The following SORCS1 variants were observed in gnomAD, a reference collection of about 807,000 sequenced individuals.
SORCS1 encodes VPS10 domain-containing receptor SorCS1.
SORCS1 carries 60 observed loss-of-function variants against 146.1 expected under a neutral mutation model. The ratio of observed to expected loss-of-function variants is 0.41; its 90% CI spans 0.33 to 0.51. SORCS1 has a LOEUF of 0.51. Among genes scored for constraint, SORCS1 ranks in the 20% least tolerant of loss-of-function variants. The pLI is 0.21. For synonymous variants in SORCS1, 637 were observed against 584.0 expected (o/e 1.09, Z -1.31); for missense variants, 1,352 against 1,487.6 (o/e 0.91, Z 1.50).
intron 1 of SORCS1, among the ~76,000 whole-genome samples, chr10:106,994,063 CAAAAAA>C (rs67408221): frequency 0.35 from 28,387 of 81,292 alleles, 3,675 homozygotes; most frequent in Middle Eastern, 0.51. Flanking sequence ...GACCCCATCT[CAAAAAA>C]AAAAAAAAAA....
At chr10:106,738,973 C>A (rs1427009457) in intron 5 of SORCS1, among the ~76,000 whole-genome samples, 2 of 152,148 alleles carry the variant, frequency 1.3e-5, no homozygotes, top group African/African-American at 4.8e-5. Flanking sequence ...CAGGCGTGAG[C>A]CGCTGTGGCC....
chr10:106,956,667 C>A, intron 1 of SORCS1, 87 bp from the exon 2 acceptor site: 1 of 1,044,378 alleles, frequency 9.6e-7, no homozygotes. Context: ...CTTAGGATTC[C>A]TTTAATAGTC....
intron 2 of SORCS1, among the ~76,000 whole-genome samples, chr10:106,832,179 C>T (rs111459381): frequency 2.9e-5 from 4 of 136,068 alleles, no homozygotes; most frequent in East Asian, 4.4e-4. Context: ...ACTTTGTTTT[C>T]GCTTTTTTTT....
chr10:106,949,383 G>C (rs1010244133), intron 2 of SORCS1, among the ~76,000 whole-genome samples: 11 of 152,152 alleles, frequency 7.2e-5, no homozygotes, highest in Admixed American at 5.9e-4. Flanking sequence ...TGGCGTGGAG[G>C]AGAAGGGAGG....
intron 2 of SORCS1, among the ~76,000 whole-genome samples, chr10:106,952,079 C>G (rs1348847001): frequency 6.6e-6 from 1 of 152,128 alleles, no homozygotes; most frequent in Non-Finnish European, 1.5e-5. Flanking sequence ...ATCTCCTTAC[C>G]CTTCCCTAGT....
intron 2 of SORCS1, among the ~76,000 whole-genome samples, chr10:106,911,807 A>G (rs113448384): frequency 5.3e-5 from 8 of 152,214 alleles, no homozygotes; most frequent in African/African-American, 1.9e-4. Flanking sequence ...CTCAGGCATC[A>G]GTTTATATTA....
chr10:106,986,002 T>G (rs1956454556), intron 1 of SORCS1, among the ~76,000 whole-genome samples: 1 of 152,016 alleles, frequency 6.6e-6, no homozygotes, highest in South Asian at 2.1e-4. Flanking sequence ...CACATGCTTG[T>G]GTTCTAGTGG....
chr10:107,054,288 G>A (rs1227254343), intron 1 of SORCS1, among the ~76,000 whole-genome samples: 1 of 152,112 alleles, frequency 6.6e-6, no homozygotes, highest in African/African-American at 2.4e-5. Context: ...GTGATAGGTT[G>A]GTGAGGCAGA....
intron 4 of SORCS1, among the ~76,000 whole-genome samples, chr10:106,770,822 C>T (rs1163270531): frequency 6.6e-6 from 1 of 152,252 alleles, no homozygotes; most frequent in East Asian, 1.9e-4. Context: ...TGCTCTCCAA[C>T]TTCCCACAGC....
intron 2 of SORCS1, among the ~76,000 whole-genome samples, chr10:106,880,360 A>G (rs1293038456): frequency 1.3e-5 from 2 of 152,256 alleles, no homozygotes; most frequent in Admixed American, 1.3e-4. Flanking sequence ...GTGTTAAAAG[A>G]AAAAATACCT....
At chr10:106,751,390 A>C (rs1858226364) in intron 5 of SORCS1, among the ~76,000 whole-genome samples, 1 of 152,186 alleles carries the variant, frequency 6.6e-6, no homozygotes, top group African/African-American at 2.4e-5. Context: ...AAGAGCGAAC[A>C]AAGTCCATTC....
chr10:107,107,369 G>A (rs896273211), intron 1 of SORCS1, among the ~76,000 whole-genome samples: 27 of 152,196 alleles, frequency 1.8e-4, no homozygotes, highest in African/African-American at 6.5e-4. Flanking sequence ...ACTAGACAGT[G>A]GAGGAAGGTA....
rs577012598 is a variant in SORCS1, at chr10:106,598,551, C to T, written c.3166-1101G>A. On this transcript the variant is annotated intron_variant, in intron 23 of 25. Coordinates refer to ENST00000263054, the MANE Select transcript of SORCS1 (RefSeq NM_052918.5). ...CTAGGATTACAGGCATGAGCCACTG[C>T]GCCCGGCCCACTCCTATTACTTTTA... Among the ~76,000 whole-genome samples the T allele has an allele frequency of 4.5e-4, 69 of 152,178 alleles. No homozygotes were observed. The South Asian group carries it at 5.2e-3, about 11-fold the overall frequency.
intron 2 of SORCS1, among the ~76,000 whole-genome samples, chr10:106,873,226 T>C (rs996791337): frequency 5.3e-5 from 8 of 151,666 alleles, no homozygotes; most frequent in Middle Eastern, 3.4e-3. Context: ...GGCAGGAGAA[T>C]TGTTTGAACC....
intron 24 of SORCS1, among the ~76,000 whole-genome samples, chr10:106,595,919 T>C (rs369638993): frequency 2.4e-4 from 36 of 152,350 alleles, no homozygotes; most frequent in South Asian, 2.3e-3. Context: ...AAATTTCCTA[T>C]ACAGCTTTAG....
intron 1 of SORCS1, among the ~76,000 whole-genome samples, chr10:107,031,643 A>T (rs1305172606): frequency 1.3e-5 from 2 of 150,968 alleles, no homozygotes; most frequent in African/African-American, 4.9e-5. Context: ...TCACTTTGTC[A>T]CCCAGGCTGG....
intron 6 of SORCS1, among the ~76,000 whole-genome samples, chr10:106,710,750 A>G (rs1854921228): frequency 6.6e-6 from 1 of 151,970 alleles, no homozygotes; most frequent in Non-Finnish European, 1.5e-5. Flanking sequence ...CCAACCCTCC[A>G]ACCTCCCCCA....
chr10:106,793,953 G>C (rs1217249345), intron 3 of SORCS1, among the ~76,000 whole-genome samples: 4 of 152,122 alleles, frequency 2.6e-5, no homozygotes, highest in Non-Finnish European at 5.9e-5. Flanking sequence ...ACAAATTCCT[G>C]AAGCCACAGA....
At chr10:106,584,172 G>A (rs77034914) in intron 24 of SORCS1, among the ~76,000 whole-genome samples, 2,687 of 152,272 alleles carry the variant, frequency 0.018, 74 homozygotes, top group African/African-American at 0.061. Context: ...AGTGATATGG[G>A]AATAGCACAG....
Sources: allele counts gnomAD v4.1 joint callset (sites outside exome capture counted in the v4.1 genomes callset), GRCh38; gene constraint gnomAD v4.1.1; transcripts MANE v1.5; gene names NCBI Gene and HGNC (gene_info 2026-07-23, HGNC 2026-07-21).